NYAP1: variants seen among roughly 807,000 people sequenced by gnomAD.
The protein encoded by NYAP1 is neuronal tyrosine-phosphorylated phosphoinositide-3-kinase adapter 1.
In NYAP1, 20 loss-of-function variants were observed where a neutral mutation model predicts 58.6. The ratio of observed to expected loss-of-function variants is 0.34; its 90% confidence interval spans 0.24 to 0.50. NYAP1 has a LOEUF of 0.50. NYAP1 is among the 20% of genes least tolerant of loss of function. NYAP1 has a pLI of 0.98. For synonymous variants in NYAP1, 572 were observed against 523.1 expected, an observed-to-expected ratio of 1.09 and a Z score of -1.27; for missense variants, 1,150 against 1,194.5, an observed-to-expected ratio of 0.96 and a Z score of 0.55.
chr7:100,488,483 TGAAGAGAGTGA>T lies in NYAP1; in HGVS notation c.764_774del (p.Glu255GlyfsTer4). On this transcript the variant is annotated frameshift_variant, in exon 4 of 7. Coordinates refer to ENST00000300179, the MANE Select transcript of NYAP1 (RefSeq NM_173564.4). LOFTEE classifies it high-confidence loss of function. The surrounding 1 kb of genome is among the most constrained non-coding windows in gnomAD (Gnocchi z 5.9). ...CTCCAGCGGGCGCCGACTCGGACTC[TGAAGAGAGTGA>T]GGCCATCTATGAAGAGATGAAGTAC... is the stretch of plus-strand genomic sequence containing the variant. 1 of 1,611,846 alleles carries T rather than the reference TGAAGAGAGTGA, an allele frequency of 6.2e-7. No homozygotes were observed. Among genetic ancestry groups the T allele is most frequent in the Non-Finnish European group, 8.5e-7 (1 of 1,179,680 alleles).
chr7:100,484,718 T>A (rs1224274790), intron 1 of NYAP1, among the ~76,000 whole-genome samples: 1 of 152,140 alleles, frequency 6.6e-6, no homozygotes, highest in Non-Finnish European at 1.5e-5. Flanking sequence ...GCCCTGGGCA[T>A]AACTCTGCCT....
chr7:100,486,823 C>G lies in NYAP1; in HGVS notation c.71C>G (p.Ser24Cys). The change falls in exon 3 of 7, where the codon TCC (serine) becomes TGC (cysteine). Residue 24 changes from serine to cysteine, a missense_variant and splice_region_variant. Transcript: ENST00000300179. The surrounding 1 kb of genome is among the most constrained non-coding windows in gnomAD (Gnocchi z 6.2). Reference sequence around the variant, plus strand: ...CCATCGTGGCCTTCTCTCCCCAGCTCCAGTAAGGAGGTGGCCCCCGCTGGC... The same window carrying G: ...CCATCGTGGCCTTCTCTCCCCAGCTGCAGTAAGGAGGTGGCCCCCGCTGGC... ...QHKEEEAKRS[S>C]SKEVAPAGSA... is the part of the protein sequence containing the mutation. 6.7e-7 allele frequency: 1 copy of G among 1,496,722 alleles called. No homozygotes were observed. Among genetic ancestry groups the G allele is most frequent in the Non-Finnish European group, 8.9e-7 (1 of 1,127,916 alleles). 92.7% of individuals were successfully genotyped at this position (1,496,722 alleles called of 1,614,324 possible).
chr7:100,488,030 T>C lies in NYAP1; in HGVS notation c.431-122T>C. ...CCTCCTGGGGCTGTAAGTTGAGGAA[T>C]GTGGGGAAAAGGAAGAGGCAGATAT... On this transcript the variant is annotated intron_variant, in intron 3 of 6. Coordinates refer to ENST00000300179, the MANE Select transcript of NYAP1 (RefSeq NM_173564.4). The surrounding 1 kb of genome is among the most constrained non-coding windows in gnomAD (Gnocchi z 5.9). The C allele has an allele frequency of 4.5e-6, 3 of 668,792 alleles. No individual in the cohort carries two copies. The highest frequency in any genetic ancestry group is 7.6e-6 in the Non-Finnish European group (3 of 396,496). The allele number at this position is 668,792 out of a possible 1,614,324, so 41.4% of individuals were successfully genotyped here. A position where few individuals can be genotyped will look rare whatever the true frequency, so the allele number is the denominator to read the frequency against.
rs959708774 is a variant in NYAP1 at position 100,489,085 on chromosome 7, A to T, written c.1364A>T (p.Asp455Val). Residue 455 changes from aspartate (D) to valine (V), a missense_variant, in exon 4 of 7, where the codon GAC (aspartate) becomes GTC (valine). Physicochemically the swap from Asp to Val is radical, Grantham distance 152 (BLOSUM62 -3). Transcript: ENST00000300179. Reference protein sequence around the residue: ...PAALLPGPPKDKAVSYTMVYS... With the variant: ...PAALLPGPPKVKAVSYTMVYS... ...GCCTTGCTCCCCGGCCCCCCCAAGGACAAGGCCGTGTCTTACACCATGGTG... is the reference window on the plus strand; with the variant it reads ...GCCTTGCTCCCCGGCCCCCCCAAGGTCAAGGCCGTGTCTTACACCATGGTG... 6.4e-7 allele frequency: 1 copy of T among 1,552,598 alleles called. No homozygotes were observed. The highest frequency in any genetic ancestry group is 8.7e-7 in the Non-Finnish European group (1 of 1,147,350).
chr7:100,493,865 C>T lies in NYAP1; in HGVS notation c.2488C>T (p.Arg830Cys), dbSNP rs762933654. The change falls in exon 7 of 7, where the codon CGC (arginine) becomes TGC (cysteine). Residue 830 changes from arginine (R) to cysteine (C), a missense_variant. Physicochemically the swap from Arg to Cys is radical, Grantham distance 180. Transcript: ENST00000300179. ...CCGCAAGTCCGGCACCCCGCCCTGC[C>T]GCCGGCAGCACACGGTCCTCTGGGA... ...EPRKSGTPPCRRQHTVLWDTA... is the reference protein window; with the variant it reads ...EPRKSGTPPCCRQHTVLWDTA... 1.3e-6 allele frequency: 2 copies of T among 1,526,250 alleles called. No homozygotes were observed. The highest frequency in any genetic ancestry group is 2.4e-5 in the South Asian group (2 of 81,988). The allele number at this position is 1,526,250 out of a possible 1,614,324, so 94.5% of individuals were successfully genotyped here.
At chr7:100,492,520 C>A (rs906208468) in intron 6 of NYAP1, among the ~76,000 whole-genome samples, 9 of 152,096 alleles carry the variant, frequency 5.9e-5, no homozygotes, top group African/African-American at 2.2e-4. Flanking sequence ...TCGCTTGAAC[C>A]CAGGAGGCTG....
In NYAP1 at chr7:100,487,013, G is replaced by A. The variant is rs767469271; in HGVS notation, c.261G>A (p.Ser87=). 40 of 1,609,428 alleles carry A rather than the reference G, an allele frequency of 2.5e-5. No homozygotes were observed. Among genetic ancestry groups the A allele is most frequent in the Admixed American group, 3.4e-5 (2 of 59,620 alleles). Residue 87 remains serine, a synonymous_variant, in exon 3 of 7, where the codon TCG becomes TCA. Coordinates refer to ENST00000300179, the MANE Select transcript of NYAP1 (RefSeq NM_173564.4). The surrounding 1 kb of genome is among the most constrained non-coding windows in gnomAD (Gnocchi z 4.1). ...AMAPRSLSCH[S]VGSMDSVGGG... ...CCCCACGCTCCCTCTCCTGCCACTC[G>A]GTGGGCAGCATGGACAGTGTCGGGG...
Position 100,490,228 on chromosome 7 carries a change from G to C in NYAP1, c.1946-289G>C, listed in dbSNP as rs1433810862. 6.6e-6 allele frequency among the ~76,000 whole-genome samples: 1 copy of C among 152,096 alleles called. No individual in the cohort carries two copies. Among genetic ancestry groups the C allele is most frequent in the Non-Finnish European group, 1.5e-5 (1 of 68,000 alleles). On this transcript the variant is annotated intron_variant, in intron 4 of 6. Coordinates refer to ENST00000300179, the MANE Select transcript of NYAP1 (RefSeq NM_173564.4). This position sits in a 1 kb window ranked among gnomAD's most constrained non-coding sequence, Gnocchi z 4.6. Reference sequence around the variant, plus strand: ...CCCTATCTGGAGATGGAGGGGCTTGGAAGCTAAAGCTGCGGTTGGGGAGGC... The same window carrying C: ...CCCTATCTGGAGATGGAGGGGCTTGCAAGCTAAAGCTGCGGTTGGGGAGGC...
rs145361652 is a variant in NYAP1 at position 100,488,290 on chromosome 7, A to G, written c.569A>G (p.Asn190Ser). 1.1e-4 allele frequency: 172 copies of G among 1,613,032 alleles called. No individual in the cohort carries two copies. The highest frequency in any genetic ancestry group is 1.3e-4 in the Non-Finnish European group (155 of 1,179,760). Reference protein sequence around the residue: ...CPPGPSPRGGNLPLQRLTRGS... With the variant: ...CPPGPSPRGGSLPLQRLTRGS... ...CCAGGCCCCTCTCCTCGAGGGGGGAACCTGCCTCTTCAGCGCCTCACTAGG... is the reference window on the plus strand; with the variant it reads ...CCAGGCCCCTCTCCTCGAGGGGGGAGCCTGCCTCTTCAGCGCCTCACTAGG... The change falls in exon 4 of 7, where the codon AAC becomes AGC. Residue 190 changes from asparagine (N) to serine (S), a missense_variant. Physicochemically the swap from Asn to Ser is conservative, Grantham distance 46. Coordinates refer to ENST00000300179, the MANE Select transcript of NYAP1 (RefSeq NM_173564.4). This position sits in a 1 kb window ranked among gnomAD's most constrained non-coding sequence, Gnocchi z 5.9.
chr7:100,490,577 G>T lies in NYAP1; in HGVS notation c.2006G>T (p.Arg669Leu). ...GSAEGPGKVEREDRGPGTSGI... is the reference protein window; with the variant it reads ...GSAEGPGKVELEDRGPGTSGI... ...GCCGAGGGTCCAGGCAAGGTGGAGC[G>T]TGAGGACAGGGGCCCTGGGACATCG... Residue 669 changes from arginine to leucine, a missense_variant, in exon 5 of 7, where the codon CGT (arginine) becomes CTT (leucine). By Grantham distance (102) the Arg-to-Leu change is moderately radical. Coordinates refer to ENST00000300179, the MANE Select transcript of NYAP1 (RefSeq NM_173564.4). The surrounding 1 kb of genome is among the most constrained non-coding windows in gnomAD (Gnocchi z 4.6). 6.3e-7 allele frequency: 1 copy of T among 1,584,830 alleles called. No homozygotes were observed.
rs1054824736 is a variant in NYAP1 at position 100,490,201 on chromosome 7, C to T, written c.1946-316C>T. 3.3e-5 allele frequency among the ~76,000 whole-genome samples: 5 copies of T among 152,236 alleles called. No individual in the cohort carries two copies. Among genetic ancestry groups the T allele is most frequent in the Admixed American group, 6.5e-5 (1 of 15,288 alleles). ...TTGATCCCAGGGGGATGGTCATTCTCGCCCTATCTGGAGATGGAGGGGCTT... is the reference window on the plus strand; with the variant it reads ...TTGATCCCAGGGGGATGGTCATTCTTGCCCTATCTGGAGATGGAGGGGCTT... On this transcript the variant is annotated intron_variant, in intron 4 of 6. Coordinates refer to ENST00000300179, the MANE Select transcript of NYAP1 (RefSeq NM_173564.4). The surrounding 1 kb of genome is among the most constrained non-coding windows in gnomAD (Gnocchi z 4.6).
At position 100,488,283 on chromosome 7, in the gene NYAP1, G is replaced by C. The variant is rs748357526; in HGVS notation, c.562G>C (p.Gly188Arg). The C allele has an allele frequency of 3.1e-6, 5 of 1,613,548 alleles. No individual in the cohort carries two copies. In the East Asian group the frequency reaches 1.1e-4, roughly 36 times the overall value. Reference sequence around the variant, plus strand: ...CTGCCCCCCAGGCCCCTCTCCTCGAGGGGGGAACCTGCCTCTTCAGCGCCT... The same window carrying C: ...CTGCCCCCCAGGCCCCTCTCCTCGACGGGGGAACCTGCCTCTTCAGCGCCT... ...ESCPPGPSPRGGNLPLQRLTR... is the reference protein window; with the variant it reads ...ESCPPGPSPRRGNLPLQRLTR... Residue 188 changes from glycine (G) to arginine (R), a missense_variant, in exon 4 of 7, where the codon GGG becomes CGG. Transcript: ENST00000300179. The surrounding 1 kb of genome is among the most constrained non-coding windows in gnomAD (Gnocchi z 5.9).
Position 100,493,978 on chromosome 7 carries a change from T to G in NYAP1, c.*75T>G. On this transcript the variant is annotated 3_prime_UTR_variant, in exon 7 of 7. Coordinates refer to ENST00000300179, the MANE Select transcript of NYAP1 (RefSeq NM_173564.4). The stretch of plus-strand genomic sequence containing the variant: ...GCCTGGCTCTCCCGGGAGCCTCGCC[T>G]TGAGAGACATTGAAAGACTACGTGG... 8.0e-7 allele frequency: 1 copy of G among 1,249,262 alleles called. No homozygotes were observed. The highest frequency in any genetic ancestry group is 1.1e-6 in the Non-Finnish European group (1 of 945,884). 77.4% of individuals were successfully genotyped at this position (1,249,262 alleles called of 1,614,324 possible). A position where few individuals can be genotyped will look rare whatever the true frequency, so the allele number is the denominator to read the frequency against.
intron 1 of NYAP1, among the ~76,000 whole-genome samples, chr7:100,484,963 G>C (rs1444602500): frequency 6.6e-6 from 1 of 152,050 alleles, no homozygotes; most frequent in African/African-American, 2.4e-5. Context: ...CTGTATGGGT[G>C]GTGGATCGGG....
Position 100,488,495 on chromosome 7 carries a change from G to A in NYAP1, c.774G>A (p.Glu258=), listed in dbSNP as rs1465670622. The A allele has an allele frequency of 1.2e-6, 2 of 1,612,324 alleles. No individual in the cohort carries two copies. The highest frequency in any genetic ancestry group is 1.7e-6 in the Non-Finnish European group (2 of 1,179,810). ...CCGACTCGGACTCTGAAGAGAGTGA[G>A]GCCATCTATGAAGAGATGAAGTACC... ...AGADSDSEES[E]AIYEEMKYPL... The change falls in exon 4 of 7, where the codon GAG becomes GAA. Residue 258 remains glutamate (E), a synonymous_variant. Coordinates refer to ENST00000300179, the MANE Select transcript of NYAP1 (RefSeq NM_173564.4). The surrounding 1 kb of genome is among the most constrained non-coding windows in gnomAD (Gnocchi z 5.9).
At position 100,487,566 on chromosome 7, in the gene NYAP1, A is replaced by G. The variant is rs551790417; in HGVS notation, c.430+384A>G. On this transcript the variant is annotated intron_variant, in intron 3 of 6. Transcript: ENST00000300179. The surrounding 1 kb of genome is among the most constrained non-coding windows in gnomAD (Gnocchi z 4.1). ...GCCCAGGCAGGAGTGCAGTGGTGCG[A>G]TCTCAGCTCACTGCATCCTCCGCCT... 2.3e-3 allele frequency among the ~76,000 whole-genome samples: 353 copies of G among 151,932 alleles called. 6 individuals carry two copies. The highest frequency in any genetic ancestry group is 4.6e-4 in the Non-Finnish European group (31 of 67,948).
chr7:100,493,680 C>G lies in NYAP1; in HGVS notation c.2303C>G (p.Pro768Arg). ...GCGCTGCCGCTGCCTCTGCCCCTGCCGCCCCAGCCGGCCCGCGAGCGTGAC... is the reference window on the plus strand; with the variant it reads ...GCGCTGCCGCTGCCTCTGCCCCTGCGGCCCCAGCCGGCCCGCGAGCGTGAC... The part of the protein sequence containing the change: ...HPALPLPLPL[P>R]PQPARERDGK... Residue 768 changes from proline (P) to arginine (R), a missense_variant, in exon 7 of 7, where the codon CCG (proline) becomes CGG (arginine). Physicochemically the swap from Pro to Arg is moderately radical, Grantham distance 103. Coordinates refer to ENST00000300179, the MANE Select transcript of NYAP1 (RefSeq NM_173564.4). The G allele has an allele frequency of 6.3e-7, 1 of 1,588,870 alleles. No homozygotes were observed. Among genetic ancestry groups the G allele is most frequent in the Non-Finnish European group, 8.5e-7 (1 of 1,172,332 alleles).
chr7:100,493,080 C>A (rs1231617376), intron 6 of NYAP1, among the ~76,000 whole-genome samples: 6 of 152,178 alleles, frequency 3.9e-5, no homozygotes. Flanking sequence ...GTAGTTGATA[C>A]CTGTGATCCC....
At position 100,485,442 on chromosome 7, in the gene NYAP1, C is replaced by A; in HGVS notation, c.68+63C>A. ...ACCTCTGCCTGCCCCCTCACTGGGC[C>A]ACAGCCCTTCTCGGGGGCCGGCAGC... On this transcript the variant is annotated intron_variant, in intron 2 of 6. Coordinates refer to ENST00000300179, the MANE Select transcript of NYAP1 (RefSeq NM_173564.4). This position sits in a 1 kb window ranked among gnomAD's most constrained non-coding sequence, Gnocchi z 5.7. The A allele has an allele frequency of 7.6e-7, 1 of 1,318,328 alleles. No individual in the cohort carries two copies. Among genetic ancestry groups the A allele is most frequent in the Non-Finnish European group, 1.1e-6 (1 of 938,506 alleles). The allele number at this position is 1,318,328 out of a possible 1,614,324, so 81.7% of individuals were successfully genotyped here.
Sources: gnomAD v4.1 joint callset for allele counts (sites outside exome capture counted in the v4.1 genomes callset) on GRCh38, gnomAD v4.1.1 for gene constraint, Gnocchi (gnomAD v3.1) non-coding constraint, MANE v1.5 for transcripts, NCBI Gene and HGNC (gene_info 2026-07-23, HGNC 2026-07-21) for gene names.